Variants in FAM163A observed in about 807,000 individuals in gnomAD.
The protein encoded by FAM163A is protein FAM163A.
In FAM163A, 7 loss-of-function variants were observed where a neutral mutation model predicts 12.0. The observed-to-expected ratio is 0.58, with a 90% CI of 0.33 to 1.10. The LOEUF (loss-of-function observed/expected upper bound fraction) is 1.10, where lower values mean the gene tolerates loss of function less well. FAM163A is among the 50% of genes least tolerant of loss of function. FAM163A has a pLI of 0.03. For synonymous variants in FAM163A, 101 were observed against 91.0 expected (o/e 1.11, Z -0.62); for missense variants, 202 against 218.6 (o/e 0.92, Z 0.48).
upstream of FAM163A, chr1:179,741,969 C>G (rs529867627): frequency 7.2e-5 from 11 of 152,266 alleles, no homozygotes; most frequent in African/African-American, 2.4e-4. Flanking sequence ...CAGTTTATAA[C>G]AAAATCACAC....
chr1:179,786,125 T>C (rs1253234040), intron 1 of FAM163A, among the ~76,000 whole-genome samples: 1 of 152,238 alleles, frequency 6.6e-6, no homozygotes, highest in African/African-American at 2.4e-5. Flanking sequence ...TTTTTAATCT[T>C]GACCAAGTTG....
At chr1:179,734,159 C>T in the FAM163A span, among the ~76,000 whole-genome samples, 1 of 152,184 alleles carries the variant, frequency 6.6e-6, no homozygotes, top group Non-Finnish European at 1.5e-5. Flanking sequence ...CAGATCAACT[C>T]AGCTCAAATG....
intron 1 of FAM163A, among the ~76,000 whole-genome samples, chr1:179,749,685 C>G (rs1684993290): frequency 7.3e-6 from 1 of 136,318 alleles, no homozygotes; most frequent in African/African-American, 2.9e-5. Context: ...AACTGAAACC[C>G]CACCTCTACT....
At chr1:179,733,499 A>G in the FAM163A span, among the ~76,000 whole-genome samples, 2 of 152,200 alleles carry the variant, frequency 1.3e-5, no homozygotes, top group Non-Finnish European at 2.9e-5. Flanking sequence ...AGCTAAATAA[A>G]TACAAGATAA....
intron 1 of FAM163A, among the ~76,000 whole-genome samples, chr1:179,766,711 C>T (rs1247063160): frequency 1.3e-5 from 2 of 152,072 alleles, no homozygotes; most frequent in South Asian, 2.1e-4. Context: ...CCCAATGGCC[C>T]CTCACATTTG....
In FAM163A at chr1:179,816,174, T is replaced by C. The variant is rs1156907965; in HGVS notation, c.*1985T>C. The C allele has an allele frequency of 3.9e-5, 6 of 152,192 alleles. No individual in the cohort carries two copies. The highest frequency in any genetic ancestry group is 1.4e-4 in the African/African-American group (6 of 41,432). 9.4% of individuals were successfully genotyped at this position (152,192 alleles called of 1,614,324 possible). A position where few individuals can be genotyped will look rare whatever the true frequency, so the allele number is the denominator to read the frequency against. Reference sequence around the variant, plus strand: ...CTTGCTGATGGATGAAAGACCACAATAAAACAAGATTAGCAGCAAAACAAT... The same window carrying C: ...CTTGCTGATGGATGAAAGACCACAACAAAACAAGATTAGCAGCAAAACAAT... On this transcript the variant is annotated 3_prime_UTR_variant, in exon 5 of 5. Coordinates refer to ENST00000341785, the MANE Select transcript of FAM163A (RefSeq NM_173509.3).
chr1:179,790,292 A>T (rs1691268851), intron 1 of FAM163A, among the ~76,000 whole-genome samples: 1 of 130,996 alleles, frequency 7.6e-6, no homozygotes, highest in Non-Finnish European at 1.5e-5. Flanking sequence ...GTTTTTTGTC[A>T]ACTTTCTCAT....
At chr1:179,793,347 A>T (rs1383181462) in intron 1 of FAM163A, among the ~76,000 whole-genome samples, 1 of 152,230 alleles carries the variant, frequency 6.6e-6, no homozygotes, top group Non-Finnish European at 1.5e-5. Context: ...CTTATTTGAA[A>T]GCAGGTTATA....
chr1:179,773,197 G>T (rs578021401), intron 1 of FAM163A, among the ~76,000 whole-genome samples: 1 of 152,072 alleles, frequency 6.6e-6, no homozygotes, highest in South Asian at 2.1e-4. Flanking sequence ...ATTGATAGTT[G>T]TCAGGGGGTG....
Position 179,814,125 on chromosome 1 carries a change from T to A in FAM163A, c.440T>A (p.Val147Glu). 6.2e-7 allele frequency: 1 copy of A among 1,614,204 alleles called. No individual in the cohort carries two copies. The highest frequency in any genetic ancestry group is 2.2e-5 in the East Asian group (1 of 44,874). Reference protein sequence around the residue: ...LKLAAPQSYPVTWPGSGREAF... With the variant: ...LKLAAPQSYPETWPGSGREAF... ...TTGGCAGCACCCCAGAGTTACCCGG[T>A]GACCTGGCCAGGCTCTGGGCGTGAG... The change falls in exon 5 of 5, where the codon GTG becomes GAG. Residue 147 changes from valine (V) to glutamate (E), a missense_variant. Val to Glu is a moderately radical substitution (Grantham distance 121). Transcript: ENST00000341785.
At chr1:179,737,305 T>C in the FAM163A span, among the ~76,000 whole-genome samples, 3 of 152,296 alleles carry the variant, frequency 2.0e-5, no homozygotes, top group African/African-American at 7.2e-5. Flanking sequence ...TCTAAAATAG[T>C]AACTCACAGA....
chr1:179,814,371 C>T lies in FAM163A; in HGVS notation c.*182C>T, dbSNP rs1695114919. The stretch of plus-strand genomic sequence containing the variant: ...AGTGCATTGAGAACCAAGACAGGGC[C>T]TGGCTCCAACTCTGTGGGCCAGAGG... On this transcript the variant is annotated 3_prime_UTR_variant, in exon 5 of 5. Coordinates refer to ENST00000341785, the MANE Select transcript of FAM163A (RefSeq NM_173509.3). 1 of 789,632 alleles carries T rather than the reference C, an allele frequency of 1.3e-6. No homozygotes were observed. Among genetic ancestry groups the T allele is most frequent in the Non-Finnish European group, 1.9e-6 (1 of 522,118 alleles). 48.9% of individuals were successfully genotyped at this position (789,632 alleles called of 1,614,324 possible). A position where few individuals can be genotyped will look rare whatever the true frequency, so the allele number is the denominator to read the frequency against.
At chr1:179,796,316 C>A (rs1032127355) in intron 1 of FAM163A, among the ~76,000 whole-genome samples, 13 of 151,726 alleles carry the variant, frequency 8.6e-5, no homozygotes, top group Non-Finnish European at 1.6e-4. Flanking sequence ...AATTACAACT[C>A]ACAAAAGAAA....
intron 1 of FAM163A, among the ~76,000 whole-genome samples, chr1:179,777,478 C>T (rs969169683): frequency 3.3e-5 from 5 of 152,254 alleles, no homozygotes; most frequent in African/African-American, 1.2e-4. Context: ...TGTGCCACCC[C>T]CCACAGACCC....
upstream of FAM163A, among the ~76,000 whole-genome samples, chr1:179,739,787 T>A (rs1359029632): frequency 6.6e-6 from 1 of 152,184 alleles, no homozygotes; most frequent in Non-Finnish European, 1.5e-5. Context: ...GGATGGCAAG[T>A]AAGCACGAGC....
At chr1:179,763,191 CCTT>C (rs1240380589) in intron 1 of FAM163A, among the ~76,000 whole-genome samples, 6 of 152,172 alleles carry the variant, frequency 3.9e-5, no homozygotes. Flanking sequence ...ATTAGTAAGA[CCTT>C]CTCGTGATTT....
At chr1:179,766,552 A>G (rs1687524923) in intron 1 of FAM163A, among the ~76,000 whole-genome samples, 1 of 152,208 alleles carries the variant, frequency 6.6e-6, no homozygotes, top group African/African-American at 2.4e-5. Flanking sequence ...TTCATTCTGA[A>G]GGCTCCCAGA....
At chr1:179,731,034 A>G in the FAM163A span, among the ~76,000 whole-genome samples, 559 of 152,312 alleles carry the variant, frequency 3.7e-3, 5 homozygotes, top group African/African-American at 0.012. Context: ...AATAATTTGT[A>G]TTTAATTTGG....
chr1:179,794,137 T>C (rs1180644201), intron 1 of FAM163A, among the ~76,000 whole-genome samples: 1 of 152,232 alleles, frequency 6.6e-6, no homozygotes, highest in Non-Finnish European at 1.5e-5. Flanking sequence ...CTTGTGCCTC[T>C]GCTCAGCCTA....
Sources: gnomAD v4.1 joint callset for allele counts (sites outside exome capture counted in the v4.1 genomes callset) on GRCh38, gnomAD v4.1.1 for gene constraint, MANE v1.5 for transcripts, NCBI Gene and HGNC (gene_info 2026-07-23, HGNC 2026-07-21) for gene names.